The following KAT2A variants were observed in gnomAD, a reference collection of about 807,000 sequenced individuals.
The protein encoded by KAT2A is histone acetyltransferase KAT2A.
In KAT2A, 42 loss-of-function variants were observed where a neutral mutation model predicts 95.2. The ratio of observed to expected loss-of-function variants is 0.44; its 90% CI spans 0.34 to 0.57. The LOEUF (loss-of-function observed/expected upper bound fraction) is 0.57, where lower values mean the gene tolerates loss of function less well. KAT2A is among the 20% of genes least tolerant of loss of function. KAT2A has a pLI of 0.01. For synonymous variants in KAT2A, 449 were observed against 448.2 expected (o/e 1.00, Z -0.02); for missense variants, 784 against 1,126.3 (o/e 0.70, Z 4.35).
At chr17:42,120,585 A>G in intron 2 of KAT2A, 121 bp downstream of exon 2, 2 of 1,075,400 alleles carry the variant, frequency 1.9e-6, no homozygotes, top group Non-Finnish European at 2.7e-6. Flanking sequence ...CCCCCCCCCA[A>G]CCCAATCCCT....
At chr17:42,116,925 C>CT in intron 11 of KAT2A, 110 bp downstream of exon 11, 1 of 1,363,334 alleles carries the variant, frequency 7.3e-7, no homozygotes, top group Non-Finnish European at 1.0e-6. Context: ...GGGCCGCTAA[C>CT]TAAGAGAAGA....
chr17:42,115,924 G>T, intron 11 of KAT2A, 91 bp from the exon 12 acceptor site: 2 of 797,366 alleles, frequency 2.5e-6, no homozygotes, highest in Non-Finnish European at 4.6e-6. Context: ...GGGTAGATTG[G>T]AAAGGAGGTA....
rs782521145 is a variant in KAT2A at position 42,118,279 on chromosome 17, G to C, written c.1180+18C>G. ...CCAGGCAGGCCAGACACCCTACAGA[G>C]CGTACCATGGCACATACCTGGCCGG... is the stretch of plus-strand genomic sequence containing the variant. On this transcript the variant is annotated intron_variant, in intron 7 of 17. Transcript: ENST00000225916. The C allele has an allele frequency of 6.4e-7, 1 of 1,558,012 alleles. No homozygotes were observed. Among genetic ancestry groups the C allele is most frequent in the Admixed American group, 1.7e-5 (1 of 59,954 alleles).
In KAT2A at chr17:42,114,890, A is replaced by G; in HGVS notation, c.2019+2T>C. On this transcript the variant is annotated splice_donor_variant, in intron 13 of 17. Coordinates refer to ENST00000225916, the MANE Select transcript of KAT2A (RefSeq NM_021078.3). LOFTEE classifies it high-confidence loss of function. This position sits in a 1 kb window ranked among gnomAD's most constrained non-coding sequence, Gnocchi z 6.0. ...CCACAGATGCGCATGTGTGCACACCACCTCTTTCTGCTTCTTGATGATGTG... is the reference window on the plus strand; with the variant it reads ...CCACAGATGCGCATGTGTGCACACCGCCTCTTTCTGCTTCTTGATGATGTG... 6.2e-7 allele frequency: 1 copy of G among 1,613,634 alleles called. No individual in the cohort carries two copies. The highest frequency in any genetic ancestry group is 8.5e-7 in the Non-Finnish European group (1 of 1,179,856).
chr17:42,114,733 C>T lies in KAT2A; in HGVS notation c.2020-129G>A. The T allele has an allele frequency of 8.5e-7, 1 of 1,174,058 alleles. No individual in the cohort carries two copies. Among genetic ancestry groups the T allele is most frequent in the Non-Finnish European group, 1.2e-6 (1 of 810,622 alleles). 72.7% of individuals were successfully genotyped at this position (1,174,058 alleles called of 1,614,324 possible). A position where few individuals can be genotyped will look rare whatever the true frequency, so the allele number is the denominator to read the frequency against. On this transcript the variant is annotated intron_variant, in intron 13 of 17. Coordinates refer to ENST00000225916, the MANE Select transcript of KAT2A (RefSeq NM_021078.3). This position sits in a 1 kb window ranked among gnomAD's most constrained non-coding sequence, Gnocchi z 6.0. ...CCTAATCCAGCACCTCCCCTCATAA[C>T]TTCCCCAAGGGAGCAGAGCAAGAGC...
At position 42,117,024 on chromosome 17, in the gene KAT2A, G is replaced by C; in HGVS notation, c.1764+11C>G. 2.5e-6 allele frequency: 4 copies of C among 1,613,502 alleles called. No homozygotes were observed. Among genetic ancestry groups the C allele is most frequent in the Non-Finnish European group, 3.4e-6 (4 of 1,179,932 alleles). Reference sequence around the variant, plus strand: ...CGTGGACTGGGGCTGGGGCCGGGGAGCCGCGCTCACCTTGACCTGCTCATT... The same window carrying C: ...CGTGGACTGGGGCTGGGGCCGGGGACCCGCGCTCACCTTGACCTGCTCATT... On this transcript the variant is annotated intron_variant, in intron 11 of 17. Coordinates refer to ENST00000225916, the MANE Select transcript of KAT2A (RefSeq NM_021078.3). This position sits in a 1 kb window ranked among gnomAD's most constrained non-coding sequence, Gnocchi z 8.9.
chr17:42,119,561 G>A lies in KAT2A; in HGVS notation c.857C>T (p.Ala286Val). Residue 286 changes from alanine (A) to valine (V), a missense_variant, in exon 5 of 18, where the codon GCT becomes GTT. Transcript: ENST00000225916. The surrounding 1 kb of genome is among the most constrained non-coding windows in gnomAD (Gnocchi z 5.3). Reference sequence around the variant, plus strand: ...CCTGGTGTAATTGACCTTGTAGGTAGCCACGTCCTCAGCCTGAGACCTCTG... The same window carrying A: ...CCTGGTGTAATTGACCTTGTAGGTAACCACGTCCTCAGCCTGAGACCTCTG... ...FRQRSQAEDV[A>V]TYKVNYTRWL... 6.2e-7 allele frequency: 1 copy of A among 1,602,226 alleles called. No homozygotes were observed. Among genetic ancestry groups the A allele is most frequent in the South Asian group, 1.1e-5 (1 of 89,518 alleles).
At position 42,120,367 on chromosome 17, in the gene KAT2A, T is replaced by C; in HGVS notation, c.467A>G (p.Asp156Gly). ...LCRSCEHPLA[D>G]HVSHLENVSE... ...CACATTCTCCAAGTGGGATACGTGGTCAGCTGCAAGACAGATGGCAGAGTT... is the reference window on the plus strand; with the variant it reads ...CACATTCTCCAAGTGGGATACGTGGCCAGCTGCAAGACAGATGGCAGAGTT... The change falls in exon 3 of 18, where the codon GAC (aspartate) becomes GGC (glycine). Residue 156 changes from aspartate to glycine, a missense_variant. Around this residue, in one of 6 missense-constraint regions of KAT2A, gnomAD observed 208 missense variants for 339.7 expected, o/e 0.61. Transcript: ENST00000225916. The C allele has an allele frequency of 2.5e-6, 4 of 1,614,166 alleles. No homozygotes were observed. Among genetic ancestry groups the C allele is most frequent in the Non-Finnish European group, 3.4e-6 (4 of 1,179,996 alleles).
intron 11 of KAT2A, among the ~76,000 whole-genome samples, chr17:42,116,483 C>T (rs1221524944): frequency 6.6e-6 from 1 of 152,168 alleles, no homozygotes; most frequent in Non-Finnish European, 1.5e-5. Flanking sequence ...TTTGGGAGGC[C>T]GAGGTGGGTG....
Position 42,120,108 on chromosome 17 carries a change from T to C in KAT2A, c.621A>G (p.Lys207=), listed in dbSNP as rs1555666981. 4 of 1,614,052 alleles carry C rather than the reference T, an allele frequency of 2.5e-6. No individual in the cohort carries two copies. The highest frequency in any genetic ancestry group is 1.3e-5 in the African/African-American group (1 of 74,924). The change falls in exon 4 of 18, where the codon AAA becomes AAG. Residue 207 remains lysine (K), a synonymous_variant. Transcript: ENST00000225916. Reference sequence around the variant, plus strand: ...CAGGCCGGGTCATCTGCAGGATGCATTTCCGCAGTAGCTAGAGAGAAGAGG... The same window carrying C: ...CAGGCCGGGTCATCTGCAGGATGCACTTCCGCAGTAGCTAGAGAGAAGAGG... The part of the protein sequence containing the change: ...VYFYLFKLLR[K]CILQMTRPVV...
At chr17:42,115,680 G>T in intron 12 of KAT2A, 43 bp downstream of exon 12, 1 of 1,265,136 alleles carries the variant, frequency 7.9e-7, no homozygotes, top group Non-Finnish European at 1.2e-6. Flanking sequence ...AATTACCCCA[G>T]CCTCCAGGCA....
Position 42,117,574 on chromosome 17 carries a change from G to A in KAT2A, c.1451C>T (p.Ala484Val), listed in dbSNP as rs782603888. The A allele has an allele frequency of 1.9e-6, 3 of 1,612,836 alleles. No homozygotes were observed. The highest frequency in any genetic ancestry group is 2.5e-6 in the Non-Finnish European group (3 of 1,179,734). ...GPETSLLSAN[A>V]ARDETARLEE... is the part of the protein sequence containing the mutation. ...CAGGCGGGCTGTCTCATCCCGGGCC[G>A]CATTGGCCGAAAGCAGGCTCGTCTG... Residue 484 changes from alanine to valine, a missense_variant, in exon 10 of 18, where the codon GCG becomes GTG. Ala to Val is a moderately conservative substitution (Grantham distance 64). This residue lies in a region of KAT2A where 174 missense variants were observed against 324.9 expected (regional missense o/e 0.54). Transcript: ENST00000225916. This position sits in a 1 kb window ranked among gnomAD's most constrained non-coding sequence, Gnocchi z 8.9.
chr17:42,120,984 C>A lies in KAT2A; in HGVS notation c.321G>T (p.Gly107=). 1 of 1,589,908 alleles carries A rather than the reference C, an allele frequency of 6.3e-7. No individual in the cohort carries two copies. Among genetic ancestry groups the A allele is most frequent in the Non-Finnish European group, 8.6e-7 (1 of 1,169,442 alleles). Residue 107 remains glycine (G), a synonymous_variant, in exon 1 of 18, where the codon GGG becomes GGT. Coordinates refer to ENST00000225916, the MANE Select transcript of KAT2A (RefSeq NM_021078.3). Reference sequence around the variant, plus strand: ...CCCCCACCTTGCAAGCCGAGAAGACCCCTAGCTTCTCAAGCTTCTTGGCGC... The same window carrying A: ...CCCCCACCTTGCAAGCCGAGAAGACACCTAGCTTCTCAAGCTTCTTGGCGC... ...LPRAKKLEKL[G]VFSACKANET... is the part of the protein sequence containing the mutation.
chr17:42,113,525 G>A lies in KAT2A; in HGVS notation c.*124C>T, dbSNP rs1002003211. On this transcript the variant is annotated 3_prime_UTR_variant, in exon 18 of 18. Transcript: ENST00000225916. ...CAGAAAGAGCTGCAGGATCGGGTCC[G>A]GAGGACCCTTGGCTGGAGTGTCTCA... is the stretch of plus-strand genomic sequence containing the variant. The A allele has an allele frequency of 1.7e-5, 15 of 882,480 alleles. No homozygotes were observed. Among genetic ancestry groups the A allele is most frequent in the African/African-American group, 1.2e-4 (7 of 58,048 alleles). 54.7% of individuals were successfully genotyped at this position (882,480 alleles called of 1,614,324 possible). A position where few individuals can be genotyped will look rare whatever the true frequency, so the allele number is the denominator to read the frequency against.
Position 42,119,816 on chromosome 17 carries a change from G to T in KAT2A, c.700-98C>A. On this transcript the variant is annotated intron_variant, in intron 4 of 17. Transcript: ENST00000225916. The surrounding 1 kb of genome is among the most constrained non-coding windows in gnomAD (Gnocchi z 5.3). ...GAAGATGCTCCCTGGCCAGGGACAA[G>T]GTTCTCCTTCTCCTCTCTCTCTCGG... The T allele has an allele frequency of 8.8e-7, 1 of 1,135,914 alleles. No homozygotes were observed. The highest frequency in any genetic ancestry group is 1.2e-6 in the Non-Finnish European group (1 of 800,782). 70.4% of individuals were successfully genotyped at this position (1,135,914 alleles called of 1,614,324 possible). A position where few individuals can be genotyped will look rare whatever the true frequency, so the allele number is the denominator to read the frequency against.
At position 42,113,716 on chromosome 17, in the gene KAT2A, C is replaced by T. The variant is rs1356081232; in HGVS notation, c.2447G>A (p.Arg816His). ...EYNPPDSEYC[R>H]CASALEKFFY... Reference sequence around the variant, plus strand: ...GAACTTCTCCAGGGCGCTGGCACAGCGGCAGTACTCGCTGTCCGGGGGGTT... The same window carrying T: ...GAACTTCTCCAGGGCGCTGGCACAGTGGCAGTACTCGCTGTCCGGGGGGTT... Residue 816 changes from arginine (R) to histidine (H), a missense_variant, in exon 18 of 18, where the codon CGC becomes CAC. Transcript: ENST00000225916. 29 of 1,611,506 alleles carry T rather than the reference C, an allele frequency of 1.8e-5. No individual in the cohort carries two copies. Among genetic ancestry groups the T allele is most frequent in the Middle Eastern group, 3.3e-4 (2 of 6,046 alleles).
intron 12 of KAT2A, 115 bp from the exon 13 acceptor site, chr17:42,115,150 G>A: frequency 9.3e-7 from 1 of 1,076,426 alleles, no homozygotes; most frequent in Non-Finnish European, 1.4e-6. Context: ...TCCTGCTCCT[G>A]AACCTCCTCC....
Position 42,114,994 on chromosome 17 carries a change from C to T in KAT2A, c.1917G>A (p.Leu639=), listed in dbSNP as rs145938810. The change falls in exon 13 of 18, where the codon CTG becomes CTA. Residue 639 remains leucine, a synonymous_variant. Transcript: ENST00000225916. This position sits in a 1 kb window ranked among gnomAD's most constrained non-coding sequence, Gnocchi z 6.0. ...CTCCCTCGTAGTCCTTGATGTAGCC[C>T]AGGTAGCGGCTCTTGGGCACCTTGA... is the stretch of plus-strand genomic sequence containing the variant. ...KDIKVPKSRY[L]GYIKDYEGAT... 1 of 1,613,890 alleles carries T rather than the reference C, an allele frequency of 6.2e-7. No homozygotes were observed. Among genetic ancestry groups the T allele is most frequent in the African/African-American group, 1.3e-5 (1 of 74,872 alleles).
rs1447547478 is a variant in KAT2A at position 42,114,169 on chromosome 17, G to A, written c.2235+50C>T. ...TACCCACCCCACACTGCATCAAGAG[G>A]CCACAGCCATTGGTGCAGGGGCCCT... is the stretch of plus-strand genomic sequence containing the variant. On this transcript the variant is annotated intron_variant, in intron 16 of 17. Coordinates refer to ENST00000225916, the MANE Select transcript of KAT2A (RefSeq NM_021078.3). The surrounding 1 kb of genome is among the most constrained non-coding windows in gnomAD (Gnocchi z 6.0). 3 of 1,576,672 alleles carry A rather than the reference G, an allele frequency of 1.9e-6. No homozygotes were observed. Among genetic ancestry groups the A allele is most frequent in the Non-Finnish European group, 2.6e-6 (3 of 1,161,096 alleles).
Sources: allele counts gnomAD v4.1 joint callset (sites outside exome capture counted in the v4.1 genomes callset), GRCh38; gene constraint gnomAD v4.1.1; regional missense constraint gnomAD v4.1.1; non-coding constraint Gnocchi (gnomAD v3.1); transcripts MANE v1.5; gene names NCBI Gene and HGNC (gene_info 2026-07-23, HGNC 2026-07-21).